IRF2: variants seen among roughly 807,000 people sequenced by gnomAD.
IRF2 encodes interferon regulatory factor 2.
In IRF2, 15 loss-of-function variants were observed where a neutral mutation model predicts 40.6. The observed-to-expected ratio is 0.37, with a 90% CI of 0.25 to 0.57. The LOEUF is 0.57. Among genes scored for constraint, IRF2 ranks in the 20% least tolerant of loss-of-function variants. IRF2 has a pLI of 0.77. For missense variants in IRF2, 317 were observed against 455.7 expected (o/e 0.70, Z 2.77); for synonymous variants, 151 against 165.5 (o/e 0.91, Z 0.67).
intron 7 of IRF2, among the ~76,000 whole-genome samples, chr4:184,391,516 C>T (rs181542098): frequency 1.3e-5 from 2 of 152,310 alleles, no homozygotes; most frequent in Non-Finnish European, 2.9e-5. Flanking sequence ...TTCCAGCCAA[C>T]AGCCAGCAAG....
Position 184,457,007 on chromosome 4 carries a change from C to G in IRF2, c.-7+17372G>C, listed in dbSNP as rs141438132. 3.3e-3 allele frequency among the ~76,000 whole-genome samples: 505 copies of G among 152,360 alleles called. 1 individual carries two copies. Among genetic ancestry groups the G allele is most frequent in the Non-Finnish European group, 5.2e-3 (355 of 68,022 alleles). On this transcript the variant is annotated intron_variant, in intron 1 of 8. Coordinates refer to ENST00000393593, the MANE Select transcript of IRF2 (RefSeq NM_002199.4). The stretch of plus-strand genomic sequence containing the variant: ...CACCCCAGCTGTGAGGGCCTCGGCA[C>G]CTGATGGCCACATCTCCCCAAACAC...
At chr4:184,415,652 A>C (rs1737240923) in intron 5 of IRF2, among the ~76,000 whole-genome samples, 1 of 152,236 alleles carries the variant, frequency 6.6e-6, no homozygotes, top group Admixed American at 6.5e-5. Flanking sequence ...CATCATTGGC[A>C]TCTGGCGTTC....
At chr4:184,426,772 T>C (rs1223463509) in intron 2 of IRF2, among the ~76,000 whole-genome samples, 2 of 152,164 alleles carry the variant, frequency 1.3e-5, no homozygotes, top group Non-Finnish European at 2.9e-5. Flanking sequence ...GGAGGTATTT[T>C]TGAAAAAGGA....
At chr4:184,467,333 G>A (rs3775582) in intron 1 of IRF2, among the ~76,000 whole-genome samples, 20,514 of 151,982 alleles carry the variant, frequency 0.13, 1,432 homozygotes, top group Middle Eastern at 0.19. Flanking sequence ...AAGAATCCAG[G>A]AGTCACTAGT....
chr4:184,404,907 C>A lies in IRF2; in HGVS notation c.529+3251G>T, dbSNP rs562846903. ...TGCACCCCGTGAGAAAACAGCATCT[C>A]AGGCTACTACACGAAGGGAAGCACA... On this transcript the variant is annotated intron_variant, in intron 6 of 8. Coordinates refer to ENST00000393593, the MANE Select transcript of IRF2 (RefSeq NM_002199.4). Among the ~76,000 whole-genome samples the A allele has an allele frequency of 6.6e-5, 10 of 152,304 alleles. 1 individual carries two copies. The South Asian group carries it at 1.4e-3, about 22-fold the overall frequency.
chr4:184,400,958 A>T (rs1212208370), intron 6 of IRF2, among the ~76,000 whole-genome samples: 6 of 152,236 alleles, frequency 3.9e-5, no homozygotes, highest in Admixed American at 3.3e-4. Flanking sequence ...TTTTACTCAT[A>T]CCTGTATCTG....
chr4:184,471,545 AT>A (rs1207939690), intron 1 of IRF2, among the ~76,000 whole-genome samples: 1 of 152,260 alleles, frequency 6.6e-6, no homozygotes, highest in African/African-American at 2.4e-5. Context: ...GTTTTTCACT[AT>A]CAAAAGGATA....
chr4:184,431,469 GT>G (rs1333715540), intron 1 of IRF2, among the ~76,000 whole-genome samples: 2 of 152,196 alleles, frequency 1.3e-5, no homozygotes, highest in Non-Finnish European at 2.9e-5. Flanking sequence ...GCACAGAGGA[GT>G]GCACTGGTGA....
At chr4:184,412,824 G>A (rs982325298) in intron 5 of IRF2, among the ~76,000 whole-genome samples, 2 of 152,014 alleles carry the variant, frequency 1.3e-5, no homozygotes, top group East Asian at 3.9e-4. Context: ...TCTTCTCTGC[G>A]GGCCTTTGTC....
intron 8 of IRF2, among the ~76,000 whole-genome samples, chr4:184,389,507 A>G (rs564354967): frequency 1.3e-5 from 2 of 152,354 alleles, no homozygotes; most frequent in East Asian, 3.8e-4. Context: ...AGAACTGCAG[A>G]ATGAACAAAG....
intron 6 of IRF2, among the ~76,000 whole-genome samples, chr4:184,399,506 T>C (rs1228546910): frequency 6.6e-6 from 1 of 152,248 alleles, no homozygotes; most frequent in Admixed American, 6.5e-5. Flanking sequence ...TTCTGGGTTC[T>C]ACAATCCAGG....
chr4:184,435,895 A>C (rs1738056740), intron 1 of IRF2, among the ~76,000 whole-genome samples: 1 of 152,212 alleles, frequency 6.6e-6, no homozygotes, highest in African/African-American at 2.4e-5. Flanking sequence ...CCAAAAGTAA[A>C]TAGAAATCAG....
At chr4:184,419,705 T>C (rs1737412914) in intron 2 of IRF2, 137 bp from the exon 3 acceptor site, 2 of 638,022 alleles carry the variant, frequency 3.1e-6, no homozygotes, top group South Asian at 1.9e-5. Context: ...GACAAGAAAA[T>C]CTACTGTAAA....
chr4:184,474,403 A>G lies in IRF2; in HGVS notation c.-31T>C, dbSNP rs1270369006. 1 of 152,222 alleles carries G rather than the reference A, an allele frequency of 6.6e-6. No individual in the cohort carries two copies. The highest frequency in any genetic ancestry group is 2.4e-5 in the African/African-American group (1 of 41,416). The allele number at this position is 152,222 out of a possible 1,614,324, so 9.4% of individuals were successfully genotyped here. The stretch of plus-strand genomic sequence containing the variant: ...CCTCTCAGTGTGCTTTTTTCACGCT[A>G]CCAATACAATTCCGCAAGGTATAAG... On this transcript the variant is annotated 5_prime_UTR_variant, in exon 1 of 9. Transcript: ENST00000393593. The surrounding 1 kb of genome is among the most constrained non-coding windows in gnomAD (Gnocchi z 5.6).
intron 1 of IRF2, among the ~76,000 whole-genome samples, chr4:184,464,238 G>A (rs3775581): frequency 0.08 from 12,185 of 151,856 alleles, 549 homozygotes; most frequent in South Asian, 0.12. Flanking sequence ...ATGAAGATGG[G>A]GACTGTTAAG....
chr4:184,401,592 A>G (rs1736667916), intron 6 of IRF2, among the ~76,000 whole-genome samples: 1 of 152,012 alleles, frequency 6.6e-6, no homozygotes, highest in African/African-American at 2.4e-5. Flanking sequence ...CTAGACACAG[A>G]CTGACGCTGA....
intron 2 of IRF2, 67 bp from the exon 3 acceptor site, chr4:184,419,635 G>T: frequency 9.5e-7 from 1 of 1,057,924 alleles, no homozygotes; most frequent in Non-Finnish European, 1.4e-6. Context: ...CATTGCAAAA[G>T]GTTGTGAAGG....
chr4:184,438,835 G>A (rs1738185111), intron 1 of IRF2, among the ~76,000 whole-genome samples: 1 of 152,172 alleles, frequency 6.6e-6, no homozygotes, highest in Non-Finnish European at 1.5e-5. Flanking sequence ...AAAGATAACA[G>A]GACCCCCTAT....
At chr4:184,440,299 C>T (rs919214535) in intron 1 of IRF2, among the ~76,000 whole-genome samples, 4 of 152,264 alleles carry the variant, frequency 2.6e-5, no homozygotes, top group Non-Finnish European at 4.4e-5. Flanking sequence ...GCTGCTGCAG[C>T]GTCCCTGTCC....
Sources: allele counts gnomAD v4.1 joint callset (sites outside exome capture counted in the v4.1 genomes callset), GRCh38; gene constraint gnomAD v4.1.1; non-coding constraint Gnocchi (gnomAD v3.1); transcripts MANE v1.5; gene names NCBI Gene and HGNC (gene_info 2026-07-23, HGNC 2026-07-21).